Variants in PUS7 observed in about 807,000 individuals in gnomAD.
PUS7 encodes the protein pseudouridylate synthase 7 homolog.
Under a neutral mutation model 79.8 loss-of-function variants are expected in PUS7, and 48 were observed. That is an observed-to-expected ratio of 0.60 (90% CI 0.48 to 0.76). The LOEUF (loss-of-function observed/expected upper bound fraction) is 0.76, where lower values mean the gene tolerates loss of function less well. PUS7 is among the 30% of genes least tolerant of loss of function. PUS7 has a pLI of 0.00. For missense variants in PUS7, 729 were observed against 797.6 expected (o/e 0.91, Z 1.04); for synonymous variants, 286 against 272.2 (o/e 1.05, Z -0.50).
At chr7:105,462,274 A>G (rs1194534424) in intron 14 of PUS7, 5 of 215,534 alleles carry the variant, frequency 2.3e-5, no homozygotes, top group South Asian at 7.0e-5. Flanking sequence ...TCTACTAAAA[A>G]TACAAAAATT....
At chr7:105,467,030 TTC>T (rs1200689945) in intron 12 of PUS7, among the ~76,000 whole-genome samples, 1 of 139,546 alleles carries the variant, frequency 7.2e-6, no homozygotes, top group African/African-American at 2.8e-5. Context: ...TCCCAGTTTT[TTC>T]TGTTTTTTTT....
chr7:105,483,677 G>A (rs1179963045), intron 7 of PUS7, among the ~76,000 whole-genome samples: 4 of 151,852 alleles, frequency 2.6e-5, no homozygotes, highest in South Asian at 2.1e-4. Flanking sequence ...TGTATTTTCA[G>A]TAGAGACAGA....
At chr7:105,495,332 CTT>C (rs1824969089) in intron 5 of PUS7, 79 bp from the exon 6 acceptor site, 13 of 811,904 alleles carry the variant, frequency 1.6e-5, no homozygotes, top group Middle Eastern at 3.7e-4. Flanking sequence ...GCTATAGAAC[CTT>C]TGAGTGGAAA....
rs562349318 is a variant in PUS7 at position 105,457,081 on chromosome 7, T to C, written c.*709A>G. On this transcript the variant is annotated 3_prime_UTR_variant, in exon 16 of 16. Coordinates refer to ENST00000469408, the MANE Select transcript of PUS7 (RefSeq NM_019042.5). ...GGGAGGTCGAGGCTGCAGTGCAAGA[T>C]TGAGAATTGCAGGATTGCACTGCAA... 57 of 151,826 alleles carry C rather than the reference T, an allele frequency of 3.8e-4. No individual in the cohort carries two copies. The highest frequency in any genetic ancestry group is 9.9e-4 in the African/African-American group (41 of 41,392). 9.4% of individuals were successfully genotyped at this position (151,826 alleles called of 1,614,324 possible).
intron 9 of PUS7, among the ~76,000 whole-genome samples, chr7:105,473,767 T>A (rs1823971687): frequency 6.6e-6 from 1 of 151,964 alleles, no homozygotes; most frequent in South Asian, 2.1e-4. Context: ...TTGGCCAGGA[T>A]GGTCTTGAAC....
intron 5 of PUS7, among the ~76,000 whole-genome samples, chr7:105,495,776 T>TA (rs200964527): frequency 4.0e-5 from 6 of 151,772 alleles, no homozygotes; most frequent in South Asian, 2.1e-4. Flanking sequence ...CATTTTTAAT[T>TA]AAAAAAAAGA....
At chr7:105,506,929 G>A (rs758643339) in intron 2 of PUS7, among the ~76,000 whole-genome samples, 23 of 152,090 alleles carry the variant, frequency 1.5e-4, no homozygotes, top group Non-Finnish European at 3.1e-4. Flanking sequence ...TCAGAACCCA[G>A]TAAGTCTACC....
chr7:105,508,045 T>C, intron 2 of PUS7, 70 bp downstream of exon 2: 1 of 1,475,160 alleles, frequency 6.8e-7, no homozygotes. Flanking sequence ...TGGAAGAATA[T>C]AAAGCTAATT....
intron 5 of PUS7, among the ~76,000 whole-genome samples, chr7:105,501,633 G>A (rs1341310532): frequency 6.6e-6 from 1 of 151,944 alleles, no homozygotes; most frequent in Non-Finnish European, 1.5e-5. Flanking sequence ...TCAATATAGG[G>A]GCCTGGCAAA....
chr7:105,495,609 G>A (rs1424167789), intron 5 of PUS7, among the ~76,000 whole-genome samples: 3 of 152,052 alleles, frequency 2.0e-5, no homozygotes, highest in Non-Finnish European at 4.4e-5. Context: ...GCCAGGCATG[G>A]TGGTACACGC....
At chr7:105,517,254 T>G (rs572825024) in intron 1 of PUS7, among the ~76,000 whole-genome samples, 1 of 151,352 alleles carries the variant, frequency 6.6e-6, no homozygotes, top group South Asian at 2.1e-4. Context: ...CCTCCTGGGT[T>G]CAAGTGATCC....
chr7:105,494,349 GCA>G (rs1824913979), intron 6 of PUS7, among the ~76,000 whole-genome samples: 1 of 151,308 alleles, frequency 6.6e-6, no homozygotes, highest in Non-Finnish European at 1.5e-5. Flanking sequence ...TCACGGCCTG[GCA>G]CAGTGGCTCA....
At chr7:105,508,825 T>C (rs1045600091) in intron 1 of PUS7, among the ~76,000 whole-genome samples, 21 of 129,146 alleles carry the variant, frequency 1.6e-4, no homozygotes, top group Admixed American at 4.8e-4. Flanking sequence ...TGAGTTAAGA[T>C]AGTGCCACTG....
chr7:105,486,667 TAG>T (rs1307985344), intron 7 of PUS7, among the ~76,000 whole-genome samples: 1 of 151,940 alleles, frequency 6.6e-6, no homozygotes, highest in Admixed American at 6.6e-5. Flanking sequence ...GGAGCTGTCC[TAG>T]AGAGAGTGTT....
At chr7:105,521,484 C>T (rs1826109097) in intron 1 of PUS7, among the ~76,000 whole-genome samples, 1 of 148,196 alleles carries the variant, frequency 6.7e-6, no homozygotes, top group African/African-American at 2.4e-5. Context: ...AGTCTGCAGC[C>T]CGTCCACTCC....
At position 105,502,526 on chromosome 7, in the gene PUS7, A is replaced by C; in HGVS notation, c.624T>G (p.His208Gln). 1 of 1,614,052 alleles carries C rather than the reference A, an allele frequency of 6.2e-7. No individual in the cohort carries two copies. The highest frequency in any genetic ancestry group is 8.5e-7 in the Non-Finnish European group (1 of 1,179,964). The change falls in exon 5 of 16, where the codon CAT (histidine) becomes CAG (glutamine). Residue 208 changes from histidine (H) to glutamine (Q), a missense_variant. Transcript: ENST00000469408. ...EDTKEKRTII[H>Q]QAIKSLFPGL... is the part of the protein sequence containing the mutation. Reference sequence around the variant, plus strand: ...CTGGAAACAGAGATTTGATAGCCTGATGGATGATGGTTCTTTTCTCTTTGG... The same window carrying C: ...CTGGAAACAGAGATTTGATAGCCTGCTGGATGATGGTTCTTTTCTCTTTGG...
At chr7:105,503,708 C>T (rs1825345089) in intron 4 of PUS7, among the ~76,000 whole-genome samples, 1 of 152,320 alleles carries the variant, frequency 6.6e-6, no homozygotes, top group Admixed American at 6.5e-5. Context: ...CCTTGGCTCA[C>T]TGCAACCTCT....
intron 14 of PUS7, among the ~76,000 whole-genome samples, chr7:105,460,260 T>C (rs1823367102): frequency 6.6e-6 from 1 of 152,064 alleles, no homozygotes; most frequent in Non-Finnish European, 1.5e-5. Flanking sequence ...TAAATGAAGT[T>C]GAGAGTCAGT....
intron 5 of PUS7, among the ~76,000 whole-genome samples, chr7:105,495,934 C>T (rs190585519): frequency 3.3e-5 from 5 of 151,790 alleles, no homozygotes; most frequent in African/African-American, 9.7e-5. Flanking sequence ...CTGAGATGGG[C>T]GGATCACCTG....
Sources: allele counts gnomAD v4.1 joint callset (sites outside exome capture counted in the v4.1 genomes callset), GRCh38; gene constraint gnomAD v4.1.1; transcripts MANE v1.5; gene names NCBI Gene and HGNC (gene_info 2026-07-23, HGNC 2026-07-21).